Variants in PRKCQ observed in about 807,000 individuals in gnomAD.
PRKCQ encodes protein kinase C theta type.
Under a neutral mutation model 91.2 loss-of-function variants are expected in PRKCQ, and 41 were observed. That is an observed-to-expected ratio of 0.45 (90% CI 0.35 to 0.58). The LOEUF is 0.58. Ranked by LOEUF, PRKCQ falls within the 20% of genes least tolerant of loss-of-function variation. The pLI, the probability that PRKCQ is intolerant of heterozygous loss-of-function variation, is 0.00. For synonymous variants in PRKCQ, 307 were observed against 316.9 expected, an observed-to-expected ratio of 0.97 and a Z score of 0.33; for missense variants, 673 against 896.5, an observed-to-expected ratio of 0.75 and a Z score of 3.18.
chr10:6,407,655 T>C, the PRKCQ span, among the ~76,000 whole-genome samples: 3 of 151,878 alleles, frequency 2.0e-5, no homozygotes, highest in South Asian at 2.1e-4. The surrounding 1 kb of genome is among the most constrained non-coding windows in gnomAD (Gnocchi z 4.0). Context: ...GGGTTGCATG[T>C]GAATGAATGT....
At chr10:6,501,533 G>A (rs1201398148) in intron 4 of PRKCQ, among the ~76,000 whole-genome samples, 2 of 151,950 alleles carry the variant, frequency 1.3e-5, no homozygotes, top group Non-Finnish European at 2.9e-5. Flanking sequence ...ACAGAAGACA[G>A]GGTCTCGGCT....
At chr10:6,396,351 A>AGAG in the PRKCQ span, among the ~76,000 whole-genome samples, 13 of 152,348 alleles carry the variant, frequency 8.5e-5, no homozygotes, top group Admixed American at 3.3e-4. Context: ...ATATATTTAC[A>AGAG]GAGTTGTGTA....
intron 1 of PRKCQ, among the ~76,000 whole-genome samples, chr10:6,554,398 G>GAACA (rs1361252096): frequency 1.3e-5 from 2 of 152,016 alleles, no homozygotes; most frequent in African/African-American, 4.8e-5. Context: ...GACAATATGA[G>GAACA]AACAGTTTTC....
chr10:6,417,270 A>G, the PRKCQ span, among the ~76,000 whole-genome samples: 3 of 152,286 alleles, frequency 2.0e-5, no homozygotes, highest in East Asian at 5.8e-4. Context: ...TGAAATACTG[A>G]CTGAAATTTG....
At chr10:6,399,063 A>C in the PRKCQ span, among the ~76,000 whole-genome samples, 1 of 152,194 alleles carries the variant, frequency 6.6e-6, no homozygotes, top group Non-Finnish European at 1.5e-5. Context: ...TGATACAATG[A>C]TACAATGGCT....
chr10:6,509,463 C>T (rs1402003164), intron 3 of PRKCQ, among the ~76,000 whole-genome samples: 2 of 152,174 alleles, frequency 1.3e-5, no homozygotes, highest in Non-Finnish European at 2.9e-5. Flanking sequence ...CTGCTTCTAC[C>T]TAATAAAATA....
chr10:6,411,023 C>T, the PRKCQ span, among the ~76,000 whole-genome samples: 15 of 151,760 alleles, frequency 9.9e-5, no homozygotes, highest in East Asian at 2.7e-3. Context: ...GCCAATCATC[C>T]CTGTTGAGAA....
intron 15 of PRKCQ, among the ~76,000 whole-genome samples, chr10:6,448,335 G>T (rs1834439032): frequency 6.6e-6 from 1 of 152,170 alleles, no homozygotes; most frequent in South Asian, 2.1e-4. Flanking sequence ...GAAGGTGACT[G>T]TTTGAGGGGA....
At chr10:6,500,927 A>T (rs1837875665) in intron 4 of PRKCQ, among the ~76,000 whole-genome samples, 1 of 152,162 alleles carries the variant, frequency 6.6e-6, no homozygotes, top group Non-Finnish European at 1.5e-5. Flanking sequence ...GCAATATATG[A>T]TGGTGTGGAA....
chr10:6,510,264 CCTTTT>C (rs1380042349), intron 3 of PRKCQ, among the ~76,000 whole-genome samples: 1 of 152,256 alleles, frequency 6.6e-6, no homozygotes, highest in Non-Finnish European at 1.5e-5. Flanking sequence ...TTTTACTCCT[CCTTTT>C]AACATTTCTA....
the PRKCQ span, among the ~76,000 whole-genome samples, chr10:6,418,948 TTATC>T: frequency 1.3e-5 from 2 of 149,044 alleles, no homozygotes; most frequent in African/African-American, 5.0e-5. Context: ...TATATCTATC[TTATC>T]TAATATCTAT....
chr10:6,509,374 A>T (rs1464599911), intron 3 of PRKCQ, among the ~76,000 whole-genome samples: 1 of 152,162 alleles, frequency 6.6e-6, no homozygotes, highest in African/African-American at 2.4e-5. Context: ...TCGTATTTTT[A>T]AAATTGGGGA....
At chr10:6,452,752 C>A (rs1834766764) in intron 15 of PRKCQ, among the ~76,000 whole-genome samples, 1 of 150,380 alleles carries the variant, frequency 6.6e-6, no homozygotes, top group Non-Finnish European at 1.5e-5. Context: ...AGAACAGAGC[C>A]CTCAGAAATA....
At chr10:6,404,283 A>AGAGAGAGAGAGAGAGAGT in the PRKCQ span, among the ~76,000 whole-genome samples, 1 of 148,126 alleles carries the variant, frequency 6.8e-6, no homozygotes. Context: ...AGAGAGAGAG[A>AGAGAGAGAGAGAGAGAGT]GAGATTGCAT....
chr10:6,492,929 G>C (rs1837402750), intron 7 of PRKCQ, among the ~76,000 whole-genome samples: 1 of 152,204 alleles, frequency 6.6e-6, no homozygotes, highest in South Asian at 2.1e-4. Context: ...GGTCAGCGTT[G>C]GTTCTTTAGA....
At chr10:6,476,977 C>T (rs566760585) in intron 12 of PRKCQ, among the ~76,000 whole-genome samples, 1 of 152,276 alleles carries the variant, frequency 6.6e-6, no homozygotes, top group South Asian at 2.1e-4. Context: ...TTATCATCTC[C>T]AGGAGGGAGT....
intron 7 of PRKCQ, among the ~76,000 whole-genome samples, chr10:6,494,385 AC>A (rs1377310708): frequency 6.6e-6 from 1 of 152,082 alleles, no homozygotes; most frequent in African/African-American, 2.4e-5. Context: ...TTTCCCAGCC[AC>A]TGTTCTCTGT....
At chr10:6,451,017 C>A (rs1370098919) in intron 15 of PRKCQ, among the ~76,000 whole-genome samples, 1 of 151,824 alleles carries the variant, frequency 6.6e-6, no homozygotes, top group Non-Finnish European at 1.5e-5. Context: ...ATTAAAAGAA[C>A]TAGAAAAGCA....
At chr10:6,544,026 C>T (rs1839864826) in intron 1 of PRKCQ, among the ~76,000 whole-genome samples, 1 of 152,156 alleles carries the variant, frequency 6.6e-6, no homozygotes, top group Non-Finnish European at 1.5e-5. Flanking sequence ...GCTACCATGG[C>T]CATTTTCCCC....
Sources: allele counts gnomAD v4.1 joint callset (sites outside exome capture counted in the v4.1 genomes callset), GRCh38; gene constraint gnomAD v4.1.1; non-coding constraint Gnocchi (gnomAD v3.1); transcripts MANE v1.5; gene names NCBI Gene and HGNC (gene_info 2026-07-23, HGNC 2026-07-21).